ZNF407: variants seen among roughly 807,000 people sequenced by gnomAD.
ZNF407 encodes zinc finger protein 407.
Under a neutral mutation model 131.2 loss-of-function variants are expected in ZNF407, and 17 were observed. The ratio of observed to expected loss-of-function variants is 0.13; its 90% confidence interval spans 0.09 to 0.19. The LOEUF is 0.19. ZNF407 is among the 10% of genes least tolerant of loss of function. The probability of loss-of-function intolerance (pLI) is 1.00; values close to 1 mark genes in which losing one functional copy is unlikely to be tolerated. For synonymous variants in ZNF407, 1,156 were observed against 1,062.0 expected (o/e 1.09, Z -1.72); for missense variants, 2,681 against 2,830.6 (o/e 0.95, Z 1.20).
chr18:75,033,703 C>A (rs1973272670), intron 8 of ZNF407, among the ~76,000 whole-genome samples: 1 of 152,170 alleles, frequency 6.6e-6, no homozygotes, highest in South Asian at 2.1e-4. Flanking sequence ...TCATAGCTGG[C>A]CCTTTGGCAA....
chr18:74,994,892 G>A (rs1220359147), intron 8 of ZNF407, among the ~76,000 whole-genome samples: 1 of 152,098 alleles, frequency 6.6e-6, no homozygotes, highest in African/African-American at 2.4e-5. Context: ...GGTGGAAGAA[G>A]TTTATTATTG....
At chr18:74,959,200 T>C (rs1972310722) in intron 8 of ZNF407, among the ~76,000 whole-genome samples, 1 of 152,254 alleles carries the variant, frequency 6.6e-6, no homozygotes, top group South Asian at 2.1e-4. Context: ...GTCCTCCAGA[T>C]AGATTTTCCA....
chr18:74,816,367 C>G (rs534316015), intron 4 of ZNF407, among the ~76,000 whole-genome samples: 9 of 152,176 alleles, frequency 5.9e-5, no homozygotes, highest in African/African-American at 2.2e-4. Context: ...TCAGAAAGAC[C>G]TTTTGGGTCA....
intron 1 of ZNF407, among the ~76,000 whole-genome samples, chr18:74,619,928 G>C (rs1983448420): frequency 6.6e-6 from 1 of 151,792 alleles, no homozygotes; most frequent in East Asian, 1.9e-4. Context: ...AACGATCCTA[G>C]GTGTCTGCTT....
chr18:74,770,552 G>A (rs1969339634), intron 3 of ZNF407, among the ~76,000 whole-genome samples: 1 of 152,086 alleles, frequency 6.6e-6, no homozygotes, highest in South Asian at 2.1e-4. Context: ...GTTAATATTT[G>A]GAAGTCTACA....
At chr18:74,667,560 C>A (rs1454504363) in intron 3 of ZNF407, among the ~76,000 whole-genome samples, 1 of 152,156 alleles carries the variant, frequency 6.6e-6, no homozygotes. Context: ...ACAGCAGCTG[C>A]ATATGGTGGG....
At chr18:74,762,753 TTTG>T (rs1187846777) in intron 3 of ZNF407, among the ~76,000 whole-genome samples, 1 of 152,114 alleles carries the variant, frequency 6.6e-6, no homozygotes, top group African/African-American at 2.4e-5. Context: ...TTTTTTCTTT[TTTG>T]TTGTTGTTGT....
At chr18:74,766,001 A>G (rs1235145745) in intron 3 of ZNF407, among the ~76,000 whole-genome samples, 1 of 150,736 alleles carries the variant, frequency 6.6e-6, no homozygotes, top group Non-Finnish European at 1.5e-5. Flanking sequence ...TGATATACGC[A>G]TATTACTCTG....
intron 3 of ZNF407, among the ~76,000 whole-genome samples, chr18:74,746,808 A>G (rs927572508): frequency 2.0e-5 from 3 of 152,140 alleles, no homozygotes; most frequent in African/African-American, 7.2e-5. Context: ...AACGATAAGT[A>G]AAAGGAGTAC....
At chr18:74,696,912 G>T (rs982134830) in intron 3 of ZNF407, among the ~76,000 whole-genome samples, 1 of 152,112 alleles carries the variant, frequency 6.6e-6, no homozygotes, top group Non-Finnish European at 1.5e-5. Flanking sequence ...TCATATGGAG[G>T]TTGGCACATA....
intron 8 of ZNF407, among the ~76,000 whole-genome samples, chr18:74,977,810 C>T (rs999028257): frequency 2.0e-5 from 3 of 152,158 alleles, no homozygotes; most frequent in African/African-American, 7.2e-5. Flanking sequence ...TGGCATTTGC[C>T]GACTACTTCT....
At chr18:74,789,553 G>A (rs1969785619) in intron 4 of ZNF407, among the ~76,000 whole-genome samples, 1 of 150,494 alleles carries the variant, frequency 6.6e-6, no homozygotes, top group Non-Finnish European at 1.5e-5. Flanking sequence ...TGCTGTGCCA[G>A]TCGTCTTTTC....
intron 3 of ZNF407, among the ~76,000 whole-genome samples, chr18:74,674,244 G>A (rs1048745938): frequency 1.3e-5 from 2 of 152,130 alleles, no homozygotes; most frequent in Non-Finnish European, 2.9e-5. Flanking sequence ...TGCTGTGCTG[G>A]AGCTGGAGCA....
chr18:74,681,379 G>A (rs1002496255), intron 3 of ZNF407, among the ~76,000 whole-genome samples: 1 of 152,082 alleles, frequency 6.6e-6, no homozygotes, highest in African/African-American at 2.4e-5. Flanking sequence ...AAGTAGCTGG[G>A]ATTACCAGTG....
intron 1 of ZNF407, 48 bp from the exon 2 acceptor site, chr18:74,630,919 G>T (rs3794943): frequency 4.4e-6 from 6 of 1,359,110 alleles, no homozygotes; most frequent in Non-Finnish European, 5.8e-6. Flanking sequence ...AGACTAATAC[G>T]TGTGTCTTTA....
At chr18:74,868,522 T>C (rs1036840831) in intron 4 of ZNF407, among the ~76,000 whole-genome samples, 3 of 152,204 alleles carry the variant, frequency 2.0e-5, no homozygotes, top group Non-Finnish European at 4.4e-5. Flanking sequence ...AAAGCCAAAC[T>C]TCTTTAATTA....
At chr18:74,794,937 G>T (rs1969892099) in intron 4 of ZNF407, among the ~76,000 whole-genome samples, 1 of 152,086 alleles carries the variant, frequency 6.6e-6, no homozygotes, top group Non-Finnish European at 1.5e-5. Context: ...GAAAGAGAAT[G>T]TATAAAAAAT....
chr18:74,762,303 A>G (rs977677573), intron 3 of ZNF407, among the ~76,000 whole-genome samples: 1 of 152,150 alleles, frequency 6.6e-6, no homozygotes, highest in African/African-American at 2.4e-5. Flanking sequence ...AAATAAACAT[A>G]TATCTTACTT....
chr18:74,743,156 G>T (rs1393972323), intron 3 of ZNF407, among the ~76,000 whole-genome samples: 1 of 152,154 alleles, frequency 6.6e-6, no homozygotes, highest in South Asian at 2.1e-4. Context: ...GAGAACGCTG[G>T]AGAAGAAGCA....
Sources: gnomAD v4.1 joint callset for allele counts (sites outside exome capture counted in the v4.1 genomes callset) on GRCh38, gnomAD v4.1.1 for gene constraint, MANE v1.5 for transcripts, NCBI Gene and HGNC (gene_info 2026-07-23, HGNC 2026-07-21) for gene names.